XXYLT1: variants seen among roughly 807,000 people sequenced by gnomAD.
The protein encoded by XXYLT1 is xyloside xylosyltransferase 1, also known as UDP-xylose:alpha-xyloside alpha-1,3-xylosyltransferase.
XXYLT1 carries 20 observed loss-of-function variants against 28.9 expected under a neutral mutation model. The ratio of observed to expected loss-of-function variants is 0.69; its 90% CI spans 0.49 to 1.00. The LOEUF (loss-of-function observed/expected upper bound fraction) is 1.00. Among genes scored for constraint, XXYLT1 ranks in the 50% least tolerant of loss-of-function variants. The pLI is 0.00. For synonymous variants in XXYLT1, 257 were observed against 253.8 expected (o/e 1.01, Z -0.12); for missense variants, 542 against 560.1 (o/e 0.97, Z 0.33).
chr3:195,088,472 G>C (rs1715926654), intron 3 of XXYLT1, among the ~76,000 whole-genome samples: 1 of 142,834 alleles, frequency 7.0e-6, no homozygotes, highest in Non-Finnish European at 1.6e-5. Context: ...GGTCCTGTCT[G>C]TTAGAAGGAA....
intron 2 of XXYLT1, among the ~76,000 whole-genome samples, chr3:195,212,754 G>A (rs910924397): frequency 9.9e-5 from 15 of 151,856 alleles, no homozygotes; most frequent in Non-Finnish European, 2.1e-4. Flanking sequence ...ACCACCCCTC[G>A]GTCCACTGAA....
intron 1 of XXYLT1, among the ~76,000 whole-genome samples, chr3:195,251,501 G>T (rs886202910): frequency 1.3e-5 from 2 of 152,172 alleles, no homozygotes; most frequent in Non-Finnish European, 2.9e-5. Context: ...GTGAAGCTGC[G>T]CTGAGCACCG....
chr3:195,091,319 CTTATTCACCATGATCAAG>C, intron 3 of XXYLT1, among the ~76,000 whole-genome samples: 1 of 124,752 alleles, frequency 8.0e-6, no homozygotes, highest in Admixed American at 7.8e-5. Context: ...CATCAAAAAG[CTTATTCACCATGATCAAG>C]TGGGCTTCAT....
At chr3:195,254,435 C>T (rs1056293511) in intron 1 of XXYLT1, among the ~76,000 whole-genome samples, 15 of 152,260 alleles carry the variant, frequency 9.9e-5, no homozygotes, top group African/African-American at 3.4e-4. Context: ...TGGCATCACA[C>T]AGAGCCCTCT....
chr3:195,227,645 A>G (rs1241079603), intron 1 of XXYLT1, among the ~76,000 whole-genome samples: 1 of 152,148 alleles, frequency 6.6e-6, no homozygotes, highest in Non-Finnish European at 1.5e-5. Flanking sequence ...ATAGCCTCCA[A>G]ATTACAAATA....
Position 195,150,811 on chromosome 3 carries a change from C to G in XXYLT1, c.785+5638G>C, listed in dbSNP as rs2108669329. On this transcript the variant is annotated intron_variant, in intron 3 of 3. Coordinates refer to ENST00000310380, the MANE Select transcript of XXYLT1 (RefSeq NM_152531.5). The surrounding 1 kb of genome is among the most constrained non-coding windows in gnomAD (Gnocchi z 4.7). ...ACATATGCACACTCTCACACACTCACATACACACACACTCACACATACGCA... is the reference window on the plus strand; with the variant it reads ...ACATATGCACACTCTCACACACTCAGATACACACACACTCACACATACGCA... 6.6e-6 allele frequency among the ~76,000 whole-genome samples: 1 copy of G among 151,574 alleles called. No homozygotes were observed. Among genetic ancestry groups the G allele is most frequent in the Middle Eastern group, 3.4e-3 (1 of 294 alleles).
At chr3:195,085,717 C>T (rs559418226) in intron 3 of XXYLT1, among the ~76,000 whole-genome samples, 5 of 152,326 alleles carry the variant, frequency 3.3e-5, no homozygotes, top group Middle Eastern at 3.4e-3. Flanking sequence ...CAGGGGCTGG[C>T]CCAGAGTTTG....
At chr3:195,235,161 A>G (rs1168549443) in intron 1 of XXYLT1, among the ~76,000 whole-genome samples, 1 of 152,020 alleles carries the variant, frequency 6.6e-6, no homozygotes, top group African/African-American at 2.4e-5. Flanking sequence ...GCTGGAGTGC[A>G]GTGGGGCAAT....
chr3:195,237,866 T>C, intron 1 of XXYLT1, among the ~76,000 whole-genome samples: 1 of 152,146 alleles, frequency 6.6e-6, no homozygotes, highest in East Asian at 1.9e-4. Context: ...GACCAGTTCC[T>C]GCTATTTTCC....
chr3:195,183,864 C>G (rs1044239913), intron 2 of XXYLT1, among the ~76,000 whole-genome samples: 8 of 152,112 alleles, frequency 5.3e-5, no homozygotes, highest in African/African-American at 1.4e-4. Flanking sequence ...GCTGAATGGT[C>G]AGAAAAAAAC....
intron 2 of XXYLT1, among the ~76,000 whole-genome samples, chr3:195,214,153 T>C (rs1376218217): frequency 2.6e-5 from 4 of 152,164 alleles, no homozygotes; most frequent in Admixed American, 2.6e-4. Flanking sequence ...CAGAAAGCAG[T>C]GTCCCTTCCC....
intron 1 of XXYLT1, chr3:195,270,290 T>C (rs1256495054): frequency 3.5e-5 from 27 of 779,246 alleles, no homozygotes; most frequent in Non-Finnish European, 4.4e-5. Flanking sequence ...CGGACTCTCC[T>C]GGGGGCTGCG....
chr3:195,270,997 C>A lies in XXYLT1; in HGVS notation c.62G>T (p.Arg21Leu). 1.4e-6 allele frequency: 2 copies of A among 1,479,136 alleles called. No homozygotes were observed. The highest frequency in any genetic ancestry group is 1.8e-6 in the Non-Finnish European group (2 of 1,119,278). 91.6% of individuals were successfully genotyped at this position (1,479,136 alleles called of 1,614,324 possible). A position where few individuals can be genotyped will look rare whatever the true frequency, so the allele number is the denominator to read the frequency against. Reference protein sequence around the residue: ...ARAMARLGAVRSHYCALLLAA... With the variant: ...ARAMARLGAVLSHYCALLLAA... ...CAGCAGCAGGGCGCAGTAGTGGGAG[C>A]GCACAGCGCCCAGGCGCGCCATGGC... The change falls in exon 1 of 4, where the codon CGC becomes CTC. Residue 21 changes from arginine to leucine, a missense_variant. By Grantham distance (102) the Arg-to-Leu change is moderately radical. Coordinates refer to ENST00000310380, the MANE Select transcript of XXYLT1 (RefSeq NM_152531.5).
In XXYLT1 at chr3:195,156,490, G is replaced by A. The variant is rs746851434; in HGVS notation, c.744C>T (p.Gly248=). Residue 248 remains glycine (G), a synonymous_variant, in exon 3 of 4, where the codon GGC becomes GGT. Coordinates refer to ENST00000310380, the MANE Select transcript of XXYLT1 (RefSeq NM_152531.5). ...LFEEFDSFLP[G]AIIGIAREMQ... is the part of the protein sequence containing the mutation. The stretch of plus-strand genomic sequence containing the variant: ...TCTCCCGGGCTATGCCGATGATGGC[G>A]CCTGGCAGGAAACTGTCAAATTCCT... 26 of 1,614,106 alleles carry A rather than the reference G, an allele frequency of 1.6e-5. No homozygotes were observed. In the African/African-American group the frequency reaches 1.7e-4, roughly 11 times the overall value.
chr3:195,177,936 T>TAAAAAAAA (rs56022005), intron 2 of XXYLT1, among the ~76,000 whole-genome samples: 3 of 115,616 alleles, frequency 2.6e-5, no homozygotes, highest in African/African-American at 1.1e-4. Flanking sequence ...CTCTGTCTCT[T>TAAAAAAAA]AAAAAAAAAA....
chr3:195,260,280 G>A (rs1725644626), intron 1 of XXYLT1, among the ~76,000 whole-genome samples: 1 of 151,472 alleles, frequency 6.6e-6, no homozygotes, highest in Non-Finnish European at 1.5e-5. Flanking sequence ...ACCGCGCCGC[G>A]GAGGAGGGGC....
chr3:195,231,759 T>C (rs1274673638), intron 1 of XXYLT1, among the ~76,000 whole-genome samples: 3 of 152,048 alleles, frequency 2.0e-5, no homozygotes, highest in African/African-American at 7.2e-5. Flanking sequence ...ATGATTTTTT[T>C]TTTTTTTTAA....
At chr3:195,110,150 CT>C (rs1717453068) in intron 3 of XXYLT1, among the ~76,000 whole-genome samples, 1 of 22,628 alleles carries the variant, frequency 4.4e-5, no homozygotes, top group African/African-American at 1.0e-4. Flanking sequence ...TGTGTGGTGT[CT>C]GTGTGTTGTG....
At chr3:195,120,514 A>G (rs1485871905) in intron 3 of XXYLT1, among the ~76,000 whole-genome samples, 1 of 152,214 alleles carries the variant, frequency 6.6e-6, no homozygotes, top group African/African-American at 2.4e-5. Flanking sequence ...GCAAGCATTG[A>G]GCACAGTGCC....
Sources: allele counts gnomAD v4.1 joint callset (sites outside exome capture counted in the v4.1 genomes callset), GRCh38; gene constraint gnomAD v4.1.1; non-coding constraint Gnocchi (gnomAD v3.1); transcripts MANE v1.5; gene names NCBI Gene and HGNC (gene_info 2026-07-23, HGNC 2026-07-21).